Variants in MAEL observed in about 807,000 individuals in gnomAD.
The protein encoded by MAEL is protein maelstrom homolog.
Under a neutral mutation model 62.0 loss-of-function variants are expected in MAEL, and 46 were observed. That is an observed-to-expected ratio of 0.74 (90% CI 0.59 to 0.95). The LOEUF (loss-of-function observed/expected upper bound fraction) is 0.95. MAEL is among the 40% of genes least tolerant of loss of function. MAEL has a pLI of 0.00. For missense variants in MAEL, 497 were observed against 526.8 expected, an observed-to-expected ratio of 0.94 and a Z score of 0.55; for synonymous variants, 172 against 175.5, an observed-to-expected ratio of 0.98 and a Z score of 0.16.
At chr1:166,990,233 C>T (rs959391845) in intron 2 of MAEL, 3 of 154,680 alleles carry the variant, frequency 1.9e-5, no homozygotes, top group Non-Finnish European at 4.3e-5. Flanking sequence ...TTAGACCATT[C>T]TGTCTTTTTT....
upstream of MAEL, among the ~76,000 whole-genome samples, chr1:166,986,421 G>C (rs113291876): frequency 1.2e-4 from 19 of 152,316 alleles, no homozygotes; most frequent in Non-Finnish European, 2.6e-4. Flanking sequence ...GAAGTGGGAC[G>C]GTGGTGCGTG....
intron 1 of MAEL, among the ~76,000 whole-genome samples, chr1:166,983,130 T>C (rs1030908282): frequency 1.3e-5 from 2 of 152,208 alleles, no homozygotes; most frequent in Non-Finnish European, 2.9e-5. Flanking sequence ...ATTACCTGGG[T>C]TTTTTTCCAC....
At chr1:167,006,626 TATATATATATACA>T (rs1438353685) in intron 8 of MAEL, among the ~76,000 whole-genome samples, 3,312 of 105,386 alleles carry the variant, frequency 0.031, 69 homozygotes, top group African/African-American at 0.041. Context: ...TATATATATA[TATATATATATACA>T]TTTTTTTTTT....
chr1:167,009,130 TCTC>T (rs757359485), intron 8 of MAEL, among the ~76,000 whole-genome samples: 26 of 152,168 alleles, frequency 1.7e-4, no homozygotes, highest in Admixed American at 4.6e-4. Context: ...TTGACAGTAA[TCTC>T]CTATTATTAC....
At chr1:167,011,206 C>G (rs907802294) in intron 8 of MAEL, among the ~76,000 whole-genome samples, 1 of 152,152 alleles carries the variant, frequency 6.6e-6, no homozygotes, top group African/African-American at 2.4e-5. Context: ...TTTCTGGACT[C>G]TACTGCATAT....
In MAEL at chr1:166,992,693, T is replaced by A; in HGVS notation, c.333T>A (p.Leu111=). ...CTTACAATTTTTTTTTAGCTCTCCT[T>A]GGAGGCATTTTTTATTTTTTGAACA... ...ALSLKGDQAL[L]GGIFYFLNIF... Residue 111 remains leucine (L), a synonymous_variant, in exon 4 of 12, where the codon CTT becomes CTA. Transcript: ENST00000367872. 2 of 1,589,734 alleles carry A rather than the reference T, an allele frequency of 1.3e-6. No homozygotes were observed. The highest frequency in any genetic ancestry group is 1.7e-6 in the Non-Finnish European group (2 of 1,172,812).
At chr1:167,018,271 T>C (rs561734752) in intron 10 of MAEL, among the ~76,000 whole-genome samples, 1 of 152,302 alleles carries the variant, frequency 6.6e-6, no homozygotes, top group Admixed American at 6.5e-5. Flanking sequence ...GTAATATAAA[T>C]ATTCTAAACA....
chr1:166,983,653 T>C (rs1663827930), intron 1 of MAEL, among the ~76,000 whole-genome samples: 5 of 151,900 alleles, frequency 3.3e-5, no homozygotes, highest in Admixed American at 3.3e-4. Flanking sequence ...GGTTGGAAAA[T>C]GGGGAAAGCT....
intron 8 of MAEL, 97 bp downstream of exon 8, chr1:167,005,494 C>A: frequency 9.8e-7 from 1 of 1,018,904 alleles, no homozygotes; most frequent in East Asian, 2.5e-5. Context: ...CAATATTTTC[C>A]CATGAAAGCT....
chr1:167,006,097 CGT>C (rs149947712), intron 8 of MAEL: 6 of 151,104 alleles, frequency 4.0e-5, no homozygotes, highest in African/African-American at 4.9e-5. Flanking sequence ...TGAGTGCGTG[CGT>C]GTGTGTGTGT....
Position 167,004,520 on chromosome 1 carries a change from A to T in MAEL, c.648+216A>T, listed in dbSNP as rs577446806. Among the ~76,000 whole-genome samples, 344 of 152,258 alleles carry T rather than the reference A, an allele frequency of 2.3e-3. 4 individuals are homozygous for T. The highest frequency in any genetic ancestry group is 7.9e-3 in the African/African-American group (328 of 41,544). On this transcript the variant is annotated intron_variant, in intron 6 of 11. Coordinates refer to ENST00000367872, the MANE Select transcript of MAEL (RefSeq NM_032858.3). ...TGAAGACTGCAAAAGCTAAACATAT[A>T]TCTATTTTGGTAGAGTTCATGTTCT...
chr1:167,009,899 T>G (rs756902327), intron 8 of MAEL, among the ~76,000 whole-genome samples: 6 of 152,162 alleles, frequency 3.9e-5, no homozygotes, highest in Admixed American at 6.5e-5. Context: ...TTTGTTTATT[T>G]CTGTTTCTAG....
intron 5 of MAEL, 87 bp from the exon 6 acceptor site, chr1:167,004,093 A>G (rs766355091): frequency 1.7e-6 from 2 of 1,153,276 alleles, no homozygotes; most frequent in Non-Finnish European, 1.2e-6. Flanking sequence ...GTTACCCACT[A>G]CTCTCTTCTT....
intron 3 of MAEL, 111 bp from the exon 4 acceptor site, chr1:166,992,575 C>T: frequency 1.4e-6 from 1 of 719,432 alleles, no homozygotes; most frequent in South Asian, 2.3e-5. Context: ...AATATAGGAA[C>T]AGAAAGAAAA....
At chr1:167,019,299 C>G (rs185324692) in intron 10 of MAEL, among the ~76,000 whole-genome samples, 1 of 152,316 alleles carries the variant, frequency 6.6e-6, no homozygotes, top group East Asian at 1.9e-4. Context: ...AGAAACCCTA[C>G]CTTAGCTTCA....
At chr1:167,005,198 T>C in intron 7 of MAEL, 58 bp from the exon 8 acceptor site, 2 of 1,609,988 alleles carry the variant, frequency 1.2e-6, no homozygotes, top group South Asian at 2.2e-5. Context: ...TCCACTTTGA[T>C]ATCTTCCAGG....
chr1:167,011,992 A>T (rs139476607), intron 8 of MAEL, among the ~76,000 whole-genome samples: 1 of 152,334 alleles, frequency 6.6e-6, no homozygotes, highest in African/African-American at 2.4e-5. Context: ...TAAAACTCTT[A>T]CATAGTACTG....
chr1:167,013,166 G>A (rs548454075), intron 8 of MAEL, among the ~76,000 whole-genome samples: 3 of 152,296 alleles, frequency 2.0e-5, no homozygotes, highest in Admixed American at 2.0e-4. Flanking sequence ...CTGTCGTCCT[G>A]CTAGAGCTCA....
At chr1:167,021,599 T>C (rs1221261980) in intron 11 of MAEL, 69 bp from the exon 12 acceptor site, 1 of 1,075,868 alleles carries the variant, frequency 9.3e-7, no homozygotes, top group Non-Finnish European at 1.3e-6. Context: ...AGTCAGTTAA[T>C]TGAGGCATCT....
Sources: gnomAD v4.1 joint callset for allele counts (sites outside exome capture counted in the v4.1 genomes callset) on GRCh38, gnomAD v4.1.1 for gene constraint, MANE v1.5 for transcripts, NCBI Gene and HGNC (gene_info 2026-07-23, HGNC 2026-07-21) for gene names.